PSG1: variants seen among roughly 807,000 people sequenced by gnomAD.
The protein encoded by PSG1 is pregnancy-specific beta-1-glycoprotein 1.
A neutral mutation model predicts 41.4 loss-of-function variants in PSG1; 60 were observed. That is an observed-to-expected ratio of 1.45 (90% CI 1.18 to 1.80). The LOEUF is 1.80. Among genes scored for constraint, PSG1 ranks in the 40% most tolerant of loss-of-function variants. PSG1 has a pLI of 0.00. For missense variants in PSG1, 806 were observed against 516.9 expected, an observed-to-expected ratio of 1.56 and a Z score of -5.42; for synonymous variants, 256 against 192.9, an observed-to-expected ratio of 1.33 and a Z score of -2.71.
Position 42,868,512 on chromosome 19 carries a change from C to A in PSG1, c.989-157G>T, listed in dbSNP as rs148381242. Among the ~76,000 whole-genome samples the A allele has an allele frequency of 7.5e-3, 1,130 of 151,088 alleles. 25 individuals are homozygous for A. Among genetic ancestry groups the A allele is most frequent in the Middle Eastern group, 0.017 (5 of 290 alleles). Reference sequence around the variant, plus strand: ...CACTGAGCCGAATCCTGAGGTATTCCCCTGTTTCTCCCATCACAAGCTGTG... The same window carrying A: ...CACTGAGCCGAATCCTGAGGTATTCACCTGTTTCTCCCATCACAAGCTGTG... On this transcript the variant is annotated intron_variant, in intron 4 of 5. Transcript: ENST00000436291.
intron 2 of PSG1, among the ~76,000 whole-genome samples, chr19:42,875,027 C>T (rs1398653203): frequency 6.6e-6 from 1 of 151,700 alleles, no homozygotes; most frequent in Non-Finnish European, 1.5e-5. Context: ...AGGCTGGAGT[C>T]ACAGGTGAAA....
rs992118970 is a variant in PSG1, at chr19:42,872,170, G to T, written c.431-125C>A. On this transcript the variant is annotated intron_variant, in intron 2 of 5. Coordinates refer to ENST00000436291, the MANE Select transcript of PSG1 (RefSeq NM_001184825.2). ...CCAAGTCCTTAAAAGCCCATGGCAG[G>T]TGTGTGTGATACAAGACAGATGCAT... The T allele has an allele frequency of 8.8e-6, 12 of 1,368,964 alleles. 1 individual carries two copies. The highest frequency in any genetic ancestry group is 4.6e-5 in the Admixed American group (2 of 43,768). The allele number at this position is 1,368,964 out of a possible 1,614,324, so 84.8% of individuals were successfully genotyped here.
At position 42,871,724 on chromosome 19, in the gene PSG1, T is replaced by G. The variant is rs781362925; in HGVS notation, c.709+43A>C. ...AGGCCTGGCCTCTGGCCACGTGTATTTGGGATGGCAGCCTGGCTCACAGAG... is the reference window on the plus strand; with the variant it reads ...AGGCCTGGCCTCTGGCCACGTGTATGTGGGATGGCAGCCTGGCTCACAGAG... On this transcript the variant is annotated intron_variant, in intron 3 of 5. Transcript: ENST00000436291. The G allele has an allele frequency of 3.7e-6, 6 of 1,612,352 alleles. No homozygotes were observed. In the East Asian group the frequency reaches 1.3e-4, roughly 36 times the overall value.
chr19:42,875,062 C>A (rs1234824509), intron 2 of PSG1, among the ~76,000 whole-genome samples: 1 of 151,676 alleles, frequency 6.6e-6, no homozygotes, highest in African/African-American at 2.4e-5. Context: ...TTGGGGACAG[C>A]AGGCCTGTCC....
intron 3 of PSG1, chr19:42,869,984 C>G (rs1388792222): frequency 6.6e-6 from 1 of 151,638 alleles, no homozygotes; most frequent in Non-Finnish European, 1.5e-5. Context: ...ATTGGACATT[C>G]TACTCTCTGA....
chr19:42,870,092 A>G (rs1358227425), intron 3 of PSG1: 1 of 151,728 alleles, frequency 6.6e-6, no homozygotes, highest in African/African-American at 2.4e-5. Context: ...AGTGGGTAGA[A>G]TCAGAAGTTG....
chr19:42,879,705 GC>G lies in PSG1; in HGVS notation c.-125del. On this transcript the variant is annotated 5_prime_UTR_variant, in exon 1 of 6. Coordinates refer to ENST00000436291, the MANE Select transcript of PSG1 (RefSeq NM_001184825.2). Reference sequence around the variant, plus strand: ...TGCTGAGCCTCTTCCCAGGGCAGGAGCAATTCTCAAGCTCATGGGCAGGGTC... The same window carrying G: ...TGCTGAGCCTCTTCCCAGGGCAGGAGAATTCTCAAGCTCATGGGCAGGGTC... 1 of 1,426,994 alleles carries G rather than the reference GC, an allele frequency of 7.0e-7. No individual in the cohort carries two copies. Among genetic ancestry groups the G allele is most frequent in the Non-Finnish European group, 9.5e-7 (1 of 1,049,626 alleles). The allele number at this position is 1,426,994 out of a possible 1,614,324, so 88.4% of individuals were successfully genotyped here. A position where few individuals can be genotyped will look rare whatever the true frequency, so the allele number is the denominator to read the frequency against.
intron 1 of PSG1, among the ~76,000 whole-genome samples, chr19:42,878,922 G>T (rs562019973): frequency 3.3e-4 from 50 of 151,514 alleles, no homozygotes; most frequent in Admixed American, 1.4e-3. Flanking sequence ...TGAGGACAGT[G>T]TTTCCTGCCC....
At chr19:42,878,552 T>G in intron 1 of PSG1, 1 of 486,182 alleles carries the variant, frequency 2.1e-6, no homozygotes, top group Non-Finnish European at 3.3e-6. Context: ...CTGTTTGGAA[T>G]CCTCTTCCCC....
rs12461039 is a variant in PSG1 at position 42,879,623 on chromosome 19, T to G, written c.-42A>C. Reference sequence around the variant, plus strand: ...GTGTTCTCCTCTGTGGAGATAAGCCTAGGATCCAGAAACTCTCTGAGCACG... The same window carrying G: ...GTGTTCTCCTCTGTGGAGATAAGCCGAGGATCCAGAAACTCTCTGAGCACG... On this transcript the variant is annotated 5_prime_UTR_variant, in exon 1 of 6. Coordinates refer to ENST00000436291, the MANE Select transcript of PSG1 (RefSeq NM_001184825.2). 0.13 allele frequency: 215,394 copies of G among 1,601,890 alleles called. 22,769 individuals carry two copies. Among genetic ancestry groups the G allele is most frequent in the East Asian group, 0.41 (18,080 of 43,948 alleles).
Position 42,867,988 on chromosome 19 carries a change from G to A in PSG1, c.1243+113C>T. The A allele has an allele frequency of 1.9e-6, 3 of 1,604,648 alleles. No individual in the cohort carries two copies. The South Asian group carries it at 3.4e-5, about 18-fold the overall frequency. On this transcript the variant is annotated intron_variant, in intron 5 of 5. Coordinates refer to ENST00000436291, the MANE Select transcript of PSG1 (RefSeq NM_001184825.2). ...GGTTCAGGAGGAGAATTTGGGATTTGCTTGTGCCCATGGGACACAGGCTGG... is the reference window on the plus strand; with the variant it reads ...GGTTCAGGAGGAGAATTTGGGATTTACTTGTGCCCATGGGACACAGGCTGG...
chr19:42,876,230 G>C (rs1229610057), intron 2 of PSG1, among the ~76,000 whole-genome samples: 2 of 151,506 alleles, frequency 1.3e-5, no homozygotes, highest in Non-Finnish European at 2.9e-5. Flanking sequence ...GAAGCAGAGA[G>C]AGGCAGATAC....
At chr19:42,868,052 A>G (rs753716176) in intron 5 of PSG1, 49 bp downstream of exon 5, 3 of 1,612,064 alleles carry the variant, frequency 1.9e-6, no homozygotes, top group South Asian at 1.1e-5. Context: ...TGAATGCCAG[A>G]TAGACTCCAC....
intron 2 of PSG1, among the ~76,000 whole-genome samples, chr19:42,872,807 T>G (rs905378876): frequency 2.0e-5 from 3 of 151,858 alleles, no homozygotes; most frequent in South Asian, 4.2e-4. Flanking sequence ...AGAGGGCAGT[T>G]GAGGACCATG....
At chr19:42,876,310 T>C (rs1424712796) in intron 2 of PSG1, among the ~76,000 whole-genome samples, 7 of 151,266 alleles carry the variant, frequency 4.6e-5, no homozygotes, top group South Asian at 2.1e-4. Context: ...CCCAGTTCCA[T>C]AGTCCAGGAC....
At position 42,867,646 on chromosome 19, in the gene PSG1, C is replaced by A. The variant is rs558579579; in HGVS notation, c.1243+455G>T. The A allele has an allele frequency of 9.7e-5, 72 of 745,332 alleles. 2 individuals carry two copies. Among genetic ancestry groups the A allele is most frequent in the Non-Finnish European group, 1.5e-5 (6 of 409,544 alleles). The allele number at this position is 745,332 out of a possible 1,614,324, so 46.2% of individuals were successfully genotyped here. A position where few individuals can be genotyped will look rare whatever the true frequency, so the allele number is the denominator to read the frequency against. On this transcript the variant is annotated intron_variant, in intron 5 of 5. Transcript: ENST00000436291. ...GTGTATTACCATAAACATATCAATTCTCATGAATAGTTGCCCAATTCTGGG... is the reference window on the plus strand; with the variant it reads ...GTGTATTACCATAAACATATCAATTATCATGAATAGTTGCCCAATTCTGGG...
intron 3 of PSG1, chr19:42,869,839 G>A (rs1320771966): frequency 6.6e-6 from 1 of 151,760 alleles, no homozygotes; most frequent in Non-Finnish European, 1.5e-5. Flanking sequence ...AGAAATACAT[G>A]TGGACATTTG....
At chr19:42,871,630 G>T in intron 3 of PSG1, 137 bp downstream of exon 3, 1 of 1,598,544 alleles carries the variant, frequency 6.3e-7, no homozygotes, top group East Asian at 2.2e-5. Context: ...TTTGCCTGGG[G>T]CACAAAGTCA....
chr19:42,870,668 T>C (rs1199574717), intron 3 of PSG1: 1 of 151,694 alleles, frequency 6.6e-6, no homozygotes, highest in Non-Finnish European at 1.5e-5. Flanking sequence ...AGGGGATGCA[T>C]TGAATCTGCA....
Sources: allele counts gnomAD v4.1 joint callset (sites outside exome capture counted in the v4.1 genomes callset), GRCh38; gene constraint gnomAD v4.1.1; transcripts MANE v1.5; gene names NCBI Gene and HGNC (gene_info 2026-07-23, HGNC 2026-07-21).